The following KLHL13 variants were observed in gnomAD, a reference collection of about 807,000 sequenced individuals.
KLHL13 encodes kelch like family member 13.
In KLHL13, 10 loss-of-function variants were observed where a neutral mutation model predicts 37.1. The observed-to-expected ratio is 0.27, with a 90% CI of 0.17 to 0.46. The LOEUF (loss-of-function observed/expected upper bound fraction) is 0.46, where lower values mean the gene tolerates loss of function less well. Among genes scored for constraint, KLHL13 ranks in the 20% least tolerant of loss-of-function variants. The pLI is 1.00. For missense variants in KLHL13, 360 were observed against 509.3 expected (o/e 0.71, Z 2.82); for synonymous variants, 163 against 181.2 (o/e 0.90, Z 0.81).
At chrX:118,086,405 A>C (rs2055055186) in intron 1 of KLHL13, among the ~76,000 whole-genome samples, 1 of 111,791 alleles carries the variant, frequency 8.9e-6, no homozygotes, top group African/African-American at 3.2e-5. Context: ...GCATTCACTG[A>C]TGAAAATGTT....
At chrX:117,974,743 T>C (rs1282394803), upstream of KLHL13, among the ~76,000 whole-genome samples, 1 of 111,515 alleles carries the variant, frequency 9.0e-6, no homozygotes, top group East Asian at 2.8e-4. Context: ...CATACATACA[T>C]ATATGGAAAG....
chrX:117,986,653 C>T (rs763711800), intron 1 of KLHL13, among the ~76,000 whole-genome samples: 199 of 111,844 alleles, frequency 1.8e-3, no homozygotes, highest in South Asian at 3.4e-3. Context: ...CTCGCCTTTG[C>T]TCCAGAGGTC....
intron 1 of KLHL13, among the ~76,000 whole-genome samples, chrX:118,061,531 A>G (rs188657362): frequency 4.5e-5 from 5 of 111,948 alleles, no homozygotes; most frequent in Admixed American, 2.8e-4. Flanking sequence ...ATTTAGGACA[A>G]AGTCTTTACG....
chrX:118,007,370 C>CAA (rs57382655), intron 1 of KLHL13, among the ~76,000 whole-genome samples: 915 of 45,932 alleles, frequency 0.02, 14 homozygotes, highest in Admixed American at 0.024. Context: ...GAGACCCTGT[C>CAA]AAAAAAAAAA....
intron 1 of KLHL13, among the ~76,000 whole-genome samples, chrX:117,948,960 G>T (rs1245495252): frequency 2.7e-5 from 3 of 111,781 alleles, no homozygotes; most frequent in Non-Finnish European, 5.6e-5. Flanking sequence ...AAAGACAAAA[G>T]GAAAAAAAGC....
chrX:118,102,371 C>A lies in KLHL13; in HGVS notation c.-56+14137G>T, dbSNP rs189289408. Reference sequence around the variant, plus strand: ...GCCACATTTTCCAGCTTAGGTATCACCATAGGATTAAGTTCTGGCCAGTGG... The same window carrying A: ...GCCACATTTTCCAGCTTAGGTATCAACATAGGATTAAGTTCTGGCCAGTGG... On this transcript the variant is annotated intron_variant, in intron 1 of 6. Transcript: ENST00000371882. Among the ~76,000 whole-genome samples the A allele has an allele frequency of 4.5e-5, 5 of 111,663 alleles. No individual in the cohort carries two copies. In the Admixed American group the frequency reaches 4.8e-4, roughly 11 times the overall value.
chrX:118,088,333 G>A (rs1394531101), intron 1 of KLHL13, among the ~76,000 whole-genome samples: 6 of 111,737 alleles, frequency 5.4e-5, no homozygotes, highest in Non-Finnish European at 9.4e-5. Context: ...TAATGTATAC[G>A]TTAATCATTA....
intron 1 of KLHL13, among the ~76,000 whole-genome samples, chrX:118,086,837 G>A (rs2055059492): frequency 9.0e-6 from 1 of 111,229 alleles, no homozygotes; most frequent in African/African-American, 3.3e-5. Context: ...AAAATAGAAA[G>A]CATATGAAAT....
Position 118,004,072 on chromosome X carries a change from T to C in KLHL13, c.-55-58497A>G, listed in dbSNP as rs754202214. 8.1e-5 allele frequency among the ~76,000 whole-genome samples: 9 copies of C among 111,337 alleles called. No individual in the cohort carries two copies. The South Asian group carries it at 3.5e-3, about 43-fold the overall frequency. On this transcript the variant is annotated intron_variant, in intron 1 of 6. Transcript: ENST00000371882. ...GAGGCAAGGGTGTGTCAACAGGGCA[T>C]TGGCTACATGTGAAGGAACTGGTCA...
At chrX:118,105,273 C>T (rs1380246864) in intron 1 of KLHL13, among the ~76,000 whole-genome samples, 1 of 112,279 alleles carries the variant, frequency 8.9e-6, no homozygotes, top group Non-Finnish European at 1.9e-5. Flanking sequence ...TTTTAGATAT[C>T]ATGCTCTGTT....
At chrX:117,919,959 C>A (rs1931599769) in intron 3 of KLHL13, among the ~76,000 whole-genome samples, 2 of 104,655 alleles carry the variant, frequency 1.9e-5, no homozygotes, top group Admixed American at 2.1e-4. Flanking sequence ...TATTTTTTGA[C>A]ATAGAGTAGA....
intron 1 of KLHL13, chrX:117,985,161 G>T: frequency 1.4e-6 from 1 of 702,648 alleles, no homozygotes; most frequent in Non-Finnish European, 2.0e-6. Context: ...TCGCTTCACA[G>T]CCACATATGG....
At chrX:118,099,703 A>G (rs1489326977) in intron 1 of KLHL13, among the ~76,000 whole-genome samples, 1 of 110,740 alleles carries the variant, frequency 9.0e-6, no homozygotes, top group African/African-American at 3.3e-5. Flanking sequence ...TTGTAGTCCC[A>G]GCAACTTGGT....
At chrX:117,980,731 C>T (rs2053651626) in intron 1 of KLHL13, among the ~76,000 whole-genome samples, 1 of 111,591 alleles carries the variant, frequency 9.0e-6, no homozygotes, top group Admixed American at 9.5e-5. Flanking sequence ...TAGGTTTAAT[C>T]ATTAAAACTG....
chrX:118,110,234 T>C (rs998032725), intron 1 of KLHL13, among the ~76,000 whole-genome samples: 36 of 110,811 alleles, frequency 3.2e-4, no homozygotes, highest in African/African-American at 9.8e-4. Context: ...CTTAATGATG[T>C]CAAGTTTACA....
intron 2 of KLHL13, among the ~76,000 whole-genome samples, chrX:117,925,153 T>C (rs1052908612): frequency 4.5e-5 from 5 of 111,671 alleles, no homozygotes; most frequent in Non-Finnish European, 5.7e-5. Context: ...TATGAATAAT[T>C]TGTATAAAAA....
chrX:118,082,989 T>C (rs1602708842), intron 1 of KLHL13, among the ~76,000 whole-genome samples: 1 of 112,089 alleles, frequency 8.9e-6, no homozygotes, highest in East Asian at 2.8e-4. Flanking sequence ...CGTGCTGTTT[T>C]CCTTACTCAG....
intron 1 of KLHL13, among the ~76,000 whole-genome samples, chrX:117,967,516 G>A (rs1258821986): frequency 9.0e-6 from 1 of 111,535 alleles, no homozygotes; most frequent in Non-Finnish European, 1.9e-5. Flanking sequence ...ATGATGGTAT[G>A]GAGATATGAA....
chrX:117,968,143 C>T (rs767492491), intron 1 of KLHL13, among the ~76,000 whole-genome samples: 18 of 107,079 alleles, frequency 1.7e-4, no homozygotes, highest in Non-Finnish European at 2.7e-4. Context: ...GAGAAGACGC[C>T]TAAGCGTGTA....
Sources: allele counts gnomAD v4.1 joint callset (sites outside exome capture counted in the v4.1 genomes callset), GRCh38; gene constraint gnomAD v4.1.1; transcripts MANE v1.5; gene names NCBI Gene and HGNC (gene_info 2026-07-23, HGNC 2026-07-21).